CNOT2: variants seen among roughly 807,000 people sequenced by gnomAD.
CNOT2 encodes the protein CCR4-NOT transcription complex subunit 2.
In CNOT2, 7 loss-of-function variants were observed where a neutral mutation model predicts 72.1. That is an observed-to-expected ratio of 0.10 (90% CI 0.06 to 0.18). The LOEUF (loss-of-function observed/expected upper bound fraction) is 0.18, where lower values mean the gene tolerates loss of function less well. Ranked by LOEUF, CNOT2 falls within the 10% of genes least tolerant of loss-of-function variation. The pLI is 1.00. For missense variants in CNOT2, 345 were observed against 660.3 expected, an observed-to-expected ratio of 0.52 and a Z score of 5.23; for synonymous variants, 196 against 225.6, an observed-to-expected ratio of 0.87 and a Z score of 1.17.
chr12:70,340,648 C>T (rs57020753), intron 11 of CNOT2, among the ~76,000 whole-genome samples: 9,320 of 152,042 alleles, frequency 0.061, 440 homozygotes, highest in East Asian at 0.16. Context: ...AGGCTTTTCC[C>T]AAAATATATA....
intron 1 of CNOT2, among the ~76,000 whole-genome samples, chr12:70,259,824 G>T (rs1479630986): frequency 6.6e-6 from 1 of 152,142 alleles, no homozygotes; most frequent in Non-Finnish European, 1.5e-5. Flanking sequence ...ACCTCTTCTA[G>T]ATTTTGTATG....
At chr12:70,305,440 G>C (rs1194680694) in intron 2 of CNOT2, among the ~76,000 whole-genome samples, 2 of 152,212 alleles carry the variant, frequency 1.3e-5, no homozygotes, top group South Asian at 4.1e-4. Flanking sequence ...GTGATATTTG[G>C]GTTCAGACAC....
chr12:70,325,734 T>C (rs1438646293), intron 4 of CNOT2, among the ~76,000 whole-genome samples: 2 of 151,792 alleles, frequency 1.3e-5, no homozygotes, highest in African/African-American at 2.4e-5. Context: ...ATGTTGTCCT[T>C]TTTAGTATGG....
Position 70,354,463 on chromosome 12 carries a change from T to A in CNOT2, c.*548T>A, listed in dbSNP as rs1478822868. The A allele has an allele frequency of 6.5e-6, 1 of 152,746 alleles. No individual in the cohort carries two copies. Among genetic ancestry groups the A allele is most frequent in the African/African-American group, 2.4e-5 (1 of 41,468 alleles). 9.5% of individuals were successfully genotyped at this position (152,746 alleles called of 1,614,324 possible). A position where few individuals can be genotyped will look rare whatever the true frequency, so the allele number is the denominator to read the frequency against. Reference sequence around the variant, plus strand: ...AGTTTCGCCAAGCTTAATGCAAGAATATCTGACTGTTTAGAAGAAAGATAT... The same window carrying A: ...AGTTTCGCCAAGCTTAATGCAAGAAAATCTGACTGTTTAGAAGAAAGATAT... On this transcript the variant is annotated 3_prime_UTR_variant, in exon 16 of 16. Coordinates refer to ENST00000229195, the MANE Select transcript of CNOT2 (RefSeq NM_014515.7).
At chr12:70,274,040 A>G (rs1868365370) in intron 1 of CNOT2, among the ~76,000 whole-genome samples, 2 of 152,142 alleles carry the variant, frequency 1.3e-5, no homozygotes, top group South Asian at 4.1e-4. Flanking sequence ...TGAAACCCAT[A>G]TTACTAAAAT....
chr12:70,285,999 A>T (rs896006985), intron 2 of CNOT2, among the ~76,000 whole-genome samples: 1 of 151,904 alleles, frequency 6.6e-6, no homozygotes, highest in African/African-American at 2.4e-5. Context: ...CACTGAGGAG[A>T]GGAATTAAAA....
chr12:70,297,764 G>A (rs574970700), intron 2 of CNOT2: 11 of 368,246 alleles, frequency 3.0e-5, no homozygotes, highest in Admixed American at 2.1e-4. Flanking sequence ...TTGAGACGTG[G>A]TCTCACTCTG....
intron 2 of CNOT2, among the ~76,000 whole-genome samples, chr12:70,303,021 A>C (rs548517504): frequency 0.07 from 8,950 of 128,404 alleles, 138 homozygotes; most frequent in East Asian, 0.16. Context: ...CTGTTTTATC[A>C]GAGACTAGGA....
At chr12:70,252,255 C>T (rs948691682) in intron 1 of CNOT2, among the ~76,000 whole-genome samples, 3 of 152,220 alleles carry the variant, frequency 2.0e-5, no homozygotes, top group Non-Finnish European at 4.4e-5. Flanking sequence ...ATCATGATCA[C>T]GGTGCACTGC....
intron 11 of CNOT2, 74 bp from the exon 12 acceptor site, chr12:70,342,033 T>C (rs914782375): frequency 2.1e-6 from 2 of 967,996 alleles, no homozygotes; most frequent in African/African-American, 3.2e-5. Context: ...AGTTGGAGTC[T>C]TTGTTTTTCC....
intron 2 of CNOT2, among the ~76,000 whole-genome samples, chr12:70,304,982 G>T (rs1565792011): frequency 6.6e-6 from 1 of 152,252 alleles, no homozygotes; most frequent in African/African-American, 2.4e-5. Context: ...CCAGGTGCGG[G>T]ATATAATCTG....
At chr12:70,274,969 T>C (rs565283670) in intron 1 of CNOT2, among the ~76,000 whole-genome samples, 1 of 152,250 alleles carries the variant, frequency 6.6e-6, no homozygotes, top group African/African-American at 2.4e-5. Context: ...TCTTCATACA[T>C]GTACTGGTTT....
chr12:70,349,335 A>G (rs1216594483), intron 15 of CNOT2, among the ~76,000 whole-genome samples: 1 of 152,154 alleles, frequency 6.6e-6, no homozygotes, highest in Non-Finnish European at 1.5e-5. Flanking sequence ...CCCCATCTGT[A>G]AAGTGGGTGT....
chr12:70,275,094 C>T (rs1438054705), intron 1 of CNOT2, among the ~76,000 whole-genome samples: 1 of 152,030 alleles, frequency 6.6e-6, no homozygotes, highest in East Asian at 1.9e-4. Flanking sequence ...TCTAACATGG[C>T]TGTACTTACC....
intron 1 of CNOT2, among the ~76,000 whole-genome samples, chr12:70,258,593 A>G (rs778800258): frequency 2.6e-5 from 4 of 152,248 alleles, no homozygotes; most frequent in Non-Finnish European, 5.9e-5. Context: ...GTGTGCCCCA[A>G]GTGCTATTCC....
At chr12:70,302,181 A>AT (rs1332660526) in intron 2 of CNOT2, among the ~76,000 whole-genome samples, 2 of 151,724 alleles carry the variant, frequency 1.3e-5, no homozygotes, top group Non-Finnish European at 2.9e-5. Context: ...GGATTCATTA[A>AT]TTTTTTTGAA....
intron 7 of CNOT2, among the ~76,000 whole-genome samples, chr12:70,333,524 A>G (rs1880256475): frequency 6.6e-6 from 1 of 151,946 alleles, no homozygotes; most frequent in South Asian, 2.1e-4. Context: ...GAGAAAGGAA[A>G]TAAAGGATGT....
intron 15 of CNOT2, among the ~76,000 whole-genome samples, chr12:70,348,821 G>T (rs117979485): frequency 0.094 from 14,277 of 151,588 alleles, 877 homozygotes; most frequent in Middle Eastern, 0.19. Context: ...AAAGAAAATT[G>T]TATCTATTTA....
rs1171478126 is a variant in CNOT2, at chr12:70,339,113, C to CACAT, written c.1178+291_1178+292insACAT. ...ATATACACACACACACACACACACA[C>CACAT]CTTCCAGAATCCTGAAATCTCAGCT... On this transcript the variant is annotated intron_variant, in intron 11 of 15. Transcript: ENST00000229195. Among the ~76,000 whole-genome samples the CACAT allele has an allele frequency of 5.6e-3, 837 of 149,954 alleles. 8 individuals carry two copies. The highest frequency in any genetic ancestry group is 0.02 in the African/African-American group (799 of 40,438).
Sources: allele counts gnomAD v4.1 joint callset (sites outside exome capture counted in the v4.1 genomes callset), GRCh38; gene constraint gnomAD v4.1.1; transcripts MANE v1.5; gene names NCBI Gene and HGNC (gene_info 2026-07-23, HGNC 2026-07-21).